The following RPS6KC1 variants were observed in gnomAD, a reference collection of about 807,000 sequenced individuals.
The protein encoded by RPS6KC1 is inactive ribosomal protein S6 kinase delta-1.
RPS6KC1 carries 54 observed loss-of-function variants against 103.8 expected under a neutral mutation model. That is an observed-to-expected ratio of 0.52 (90% CI 0.42 to 0.65). RPS6KC1 has a LOEUF of 0.65. Ranked by LOEUF, RPS6KC1 falls within the 30% of genes least tolerant of loss-of-function variation. The pLI is 0.00. For synonymous variants in RPS6KC1, 439 were observed against 438.7 expected, an observed-to-expected ratio of 1.00 and a Z score of -0.01; for missense variants, 1,151 against 1,253.8, an observed-to-expected ratio of 0.92 and a Z score of 1.24.
At chr1:213,096,254 T>G (rs1448006118) in intron 3 of RPS6KC1, among the ~76,000 whole-genome samples, 5 of 152,234 alleles carry the variant, frequency 3.3e-5, no homozygotes, top group Non-Finnish European at 5.9e-5. Context: ...ATCATGAGAT[T>G]GCAGCAATTC....
At chr1:213,320,077 G>A in the RPS6KC1 span, among the ~76,000 whole-genome samples, 7 of 152,222 alleles carry the variant, frequency 4.6e-5, no homozygotes, top group Admixed American at 4.6e-4. Context: ...ATAAGGGCAT[G>A]AGGCTGGGAG....
the RPS6KC1 span, among the ~76,000 whole-genome samples, chr1:213,587,573 T>C: frequency 6.6e-6 from 1 of 152,210 alleles, no homozygotes; most frequent in Non-Finnish European, 1.5e-5. Context: ...ATTGGAGTGT[T>C]TGATACATAA....
the RPS6KC1 span, among the ~76,000 whole-genome samples, chr1:213,672,814 C>G: frequency 1.3e-5 from 2 of 152,198 alleles, no homozygotes; most frequent in African/African-American, 4.8e-5. Flanking sequence ...ATATCCAATA[C>G]TAAACTCGTC....
chr1:213,351,969 AT>A, the RPS6KC1 span, among the ~76,000 whole-genome samples: 38 of 151,018 alleles, frequency 2.5e-4, no homozygotes, highest in East Asian at 5.8e-3. Context: ...ACACTTCAGG[AT>A]TTTTTTTTCT....
chr1:213,745,923 A>C, the RPS6KC1 span, among the ~76,000 whole-genome samples: 1 of 152,282 alleles, frequency 6.6e-6, no homozygotes, highest in African/African-American at 2.4e-5. Flanking sequence ...CCCTGTGCTC[A>C]CTAGGTTCCT....
the RPS6KC1 span, among the ~76,000 whole-genome samples, chr1:213,808,244 AG>A: frequency 1.3e-5 from 2 of 152,170 alleles, no homozygotes; most frequent in African/African-American, 4.8e-5. Context: ...GACCCACTTG[AG>A]GAGGCAGTCT....
At chr1:213,438,826 C>T in the RPS6KC1 span, among the ~76,000 whole-genome samples, 1 of 145,006 alleles carries the variant, frequency 6.9e-6, no homozygotes, top group Non-Finnish European at 1.5e-5. Context: ...TGGAGTCTCG[C>T]TCTGTCACCC....
chr1:213,155,529 A>T (rs1458359810), intron 6 of RPS6KC1, among the ~76,000 whole-genome samples: 1 of 151,986 alleles, frequency 6.6e-6, no homozygotes, highest in East Asian at 1.9e-4. Flanking sequence ...TTTTTGCTCT[A>T]ACAGGACAGC....
the RPS6KC1 span, among the ~76,000 whole-genome samples, chr1:213,836,523 C>T: frequency 6.6e-6 from 1 of 150,936 alleles, no homozygotes; most frequent in African/African-American, 2.4e-5. Flanking sequence ...CACTCTAGCC[C>T]CCCTCAAATC....
the RPS6KC1 span, among the ~76,000 whole-genome samples, chr1:213,377,246 A>G: frequency 7.2e-5 from 11 of 152,340 alleles, no homozygotes; most frequent in South Asian, 2.3e-3. Flanking sequence ...CCTTAGCTGC[A>G]GGGAGTTTAG....
chr1:213,515,456 A>G, the RPS6KC1 span, among the ~76,000 whole-genome samples: 1 of 152,206 alleles, frequency 6.6e-6, no homozygotes, highest in Admixed American at 6.5e-5. Context: ...ATGGCTAGCC[A>G]GTTTTCCCAG....
the RPS6KC1 span, among the ~76,000 whole-genome samples, chr1:213,609,532 A>G: frequency 3.3e-5 from 5 of 152,126 alleles, no homozygotes; most frequent in Non-Finnish European, 7.3e-5. Context: ...ACCCTCACAA[A>G]GAGATGGCTG....
At chr1:213,755,154 G>A in the RPS6KC1 span, among the ~76,000 whole-genome samples, 1 of 152,146 alleles carries the variant, frequency 6.6e-6, no homozygotes, top group African/African-American at 2.4e-5. Context: ...AAAGGAGGGA[G>A]AGCTTGAATG....
At chr1:213,517,419 G>T in the RPS6KC1 span, among the ~76,000 whole-genome samples, 1 of 152,142 alleles carries the variant, frequency 6.6e-6, no homozygotes, top group Non-Finnish European at 1.5e-5. Context: ...AGAGATTCTG[G>T]TATGTTGTGT....
the RPS6KC1 span, among the ~76,000 whole-genome samples, chr1:213,629,133 A>G: frequency 6.6e-6 from 1 of 152,114 alleles, no homozygotes; most frequent in Non-Finnish European, 1.5e-5. Flanking sequence ...ATTCCTGGGT[A>G]TCCTTGTTAA....
At chr1:213,282,820 A>G in the RPS6KC1 span, among the ~76,000 whole-genome samples, 1 of 152,264 alleles carries the variant, frequency 6.6e-6, no homozygotes, top group South Asian at 2.1e-4. Flanking sequence ...GATGAAGAAC[A>G]CAGGGTTTCT....
chr1:213,363,385 C>G, the RPS6KC1 span, among the ~76,000 whole-genome samples: 1 of 152,330 alleles, frequency 6.6e-6, no homozygotes. Flanking sequence ...AGAACATAGT[C>G]TAGTGCTGAG....
chr1:213,269,784 G>A (rs1462625902), intron 14 of RPS6KC1, among the ~76,000 whole-genome samples: 1 of 151,956 alleles, frequency 6.6e-6, no homozygotes, highest in Admixed American at 6.6e-5. Context: ...ATGTGGTTGT[G>A]TGCTCCTGTA....
At chr1:213,404,325 G>A in the RPS6KC1 span, among the ~76,000 whole-genome samples, 1 of 152,210 alleles carries the variant, frequency 6.6e-6, no homozygotes, top group Admixed American at 6.5e-5. Context: ...CTGGGGGATG[G>A]GAGCACTGGC....
Sources: gnomAD v4.1 joint callset for allele counts (sites outside exome capture counted in the v4.1 genomes callset) on GRCh38, gnomAD v4.1.1 for gene constraint, MANE v1.5 for transcripts, NCBI Gene and HGNC (gene_info 2026-07-23, HGNC 2026-07-21) for gene names.